The following GPR161 variants were observed in gnomAD, a reference collection of about 807,000 sequenced individuals.
GPR161 encodes the protein G protein-coupled receptor 161.
GPR161 carries 25 observed loss-of-function variants against 39.2 expected under a neutral mutation model. The observed-to-expected ratio is 0.64, with a 90% confidence interval of 0.47 to 0.89. GPR161 has a LOEUF of 0.89. Ranked by LOEUF, GPR161 falls within the 40% of genes least tolerant of loss-of-function variation. The probability of loss-of-function intolerance (pLI) is 0.00; values close to 1 mark genes in which losing one functional copy is unlikely to be tolerated. For missense variants in GPR161, 547 were observed against 677.8 expected (o/e 0.81, Z 2.14); for synonymous variants, 286 against 276.6 (o/e 1.03, Z -0.34).
In GPR161 at chr1:168,083,220, C is replaced by T. The variant is rs148679874; in HGVS notation, c.*2311G>A. On this transcript the variant is annotated 3_prime_UTR_variant, in exon 6 of 6. Coordinates refer to ENST00000682931, the MANE Select transcript of GPR161 (RefSeq NM_001375883.1). ...CACTGGATGTGCAGTGTCTGGTAGA[C>T]GACTAAATGAATTGGACCTCAGTAA... is the stretch of plus-strand genomic sequence containing the variant. 9 of 152,244 alleles carry T rather than the reference C, an allele frequency of 5.9e-5. No individual in the cohort carries two copies. Among genetic ancestry groups the T allele is most frequent in the Admixed American group, 3.3e-4 (5 of 15,286 alleles). 9.4% of individuals were successfully genotyped at this position (152,244 alleles called of 1,614,324 possible). A position where few individuals can be genotyped will look rare whatever the true frequency, so the allele number is the denominator to read the frequency against.
chr1:168,104,364 C>T, intron 2 of GPR161, 113 bp downstream of exon 2: 1 of 828,462 alleles, frequency 1.2e-6, no homozygotes, highest in Non-Finnish European at 1.9e-6. Flanking sequence ...GGTCATCCTC[C>T]CCCAGCAAGG....
At chr1:168,124,206 A>G (rs925881177) in intron 1 of GPR161, among the ~76,000 whole-genome samples, 2 of 152,084 alleles carry the variant, frequency 1.3e-5, no homozygotes, top group Non-Finnish European at 2.9e-5. Context: ...TCCCATGATA[A>G]CTCCAAATAA....
rs1033925483 is a variant in GPR161, at chr1:168,080,604, A to G, written c.*4927T>C. On this transcript the variant is annotated 3_prime_UTR_variant, in exon 6 of 6. Transcript: ENST00000682931. ...GCCCTGCCTCTTAGGGGCTTGGAGG[A>G]TTAGGGATTCTGTGAACCCAAGAGC... is the stretch of plus-strand genomic sequence containing the variant. 6.6e-6 allele frequency: 1 copy of G among 152,272 alleles called. No individual in the cohort carries two copies. Among genetic ancestry groups the G allele is most frequent in the Admixed American group, 6.5e-5 (1 of 15,288 alleles). The allele number at this position is 152,272 out of a possible 1,614,324, so 9.4% of individuals were successfully genotyped here.
chr1:168,133,383 A>G (rs1463564839), intron 1 of GPR161, among the ~76,000 whole-genome samples: 3 of 152,204 alleles, frequency 2.0e-5, no homozygotes, highest in African/African-American at 7.2e-5. Flanking sequence ...ATTTTTACCC[A>G]GAAATATTGT....
At chr1:168,092,870 G>C (rs1695198959) in intron 3 of GPR161, among the ~76,000 whole-genome samples, 2 of 152,312 alleles carry the variant, frequency 1.3e-5, no homozygotes, top group East Asian at 3.9e-4. Context: ...GAGATAACGG[G>C]AAAGGCTCTA....
chr1:168,136,346 GGGCGC>G, intron 1 of GPR161: 1 of 1,476,460 alleles, frequency 6.8e-7, no homozygotes, highest in Non-Finnish European at 9.0e-7. Context: ...TGGCCCCAGG[GGGCGC>G]GGCCCGCATC....
At chr1:168,116,547 T>C (rs942728933) in intron 1 of GPR161, among the ~76,000 whole-genome samples, 1 of 152,148 alleles carries the variant, frequency 6.6e-6, no homozygotes, top group African/African-American at 2.4e-5. Flanking sequence ...GGAACCCTAC[T>C]CTCATTCCAA....
intron 5 of GPR161, among the ~76,000 whole-genome samples, chr1:168,086,104 G>A (rs889280624): frequency 2.6e-5 from 4 of 152,210 alleles, no homozygotes; most frequent in African/African-American, 9.7e-5. Context: ...TTTGGCCTAT[G>A]TCTGGCCCAT....
At chr1:168,123,483 T>C (rs910797796) in intron 1 of GPR161, among the ~76,000 whole-genome samples, 3 of 151,908 alleles carry the variant, frequency 2.0e-5, no homozygotes, top group South Asian at 4.2e-4. Flanking sequence ...TGTATCTGTC[T>C]ATCTATCTAT....
chr1:168,099,027 G>A (rs375618935), intron 2 of GPR161, among the ~76,000 whole-genome samples: 5 of 152,314 alleles, frequency 3.3e-5, no homozygotes, highest in African/African-American at 1.2e-4. Context: ...AGGAACGAAT[G>A]AGGAAGATCA....
In GPR161 at chr1:168,096,999, A is replaced by C. The variant is rs757157027; in HGVS notation, c.608T>G (p.Val203Gly). The change falls in exon 3 of 6, where the codon GTC (valine) becomes GGC (glycine). Residue 203 changes from valine (V) to glycine (G), a missense_variant. Transcript: ENST00000682931. ...GATGAAGCCATAGCACACCAGCATG[A>C]CCAGAAAGGGGAAGAGGGCACACCA... ...QIWCALFPFL[V>G]MLVCYGFIFR... The C allele has an allele frequency of 3.1e-6, 5 of 1,614,114 alleles. No homozygotes were observed. In the South Asian group the frequency reaches 5.5e-5, roughly 18 times the overall value.
In GPR161 at chr1:168,090,630, C is replaced by T; in HGVS notation, c.1138G>A (p.Gly380Ser). ...CTGCTGTGCCCCAGGGGCTGTCCAC[C>T]TGCCATGAGCGCAGTGAGGTGTGGG... ...LSPHLTALMA[G>S]GQPLGHSSST... The change falls in exon 4 of 6, where the codon GGT becomes AGT. Residue 380 changes from glycine (G) to serine (S), a missense_variant. Gly to Ser is a moderately conservative substitution (Grantham distance 56). Transcript: ENST00000682931. 2 of 1,612,450 alleles carry T rather than the reference C, an allele frequency of 1.2e-6. No individual in the cohort carries two copies. Among genetic ancestry groups the T allele is most frequent in the East Asian group, 2.2e-5 (1 of 44,870 alleles).
intron 1 of GPR161, among the ~76,000 whole-genome samples, chr1:168,119,275 T>TATACATATATATATGTATAC (rs1558130238): frequency 1.5e-4 from 15 of 101,402 alleles, no homozygotes; most frequent in African/African-American, 7.2e-4. Flanking sequence ...TATGTGTATA[T>TATACATATATATATGTATAC]ATATATATAT....
At chr1:168,128,384 G>A (rs568410400) in intron 1 of GPR161, among the ~76,000 whole-genome samples, 1 of 152,258 alleles carries the variant, frequency 6.6e-6, no homozygotes, top group Middle Eastern at 3.4e-3. Flanking sequence ...GGATGCTATT[G>A]GCACCTAAGG....
intron 1 of GPR161, among the ~76,000 whole-genome samples, chr1:168,121,105 A>C (rs1381294273): frequency 1.3e-5 from 2 of 152,192 alleles, no homozygotes; most frequent in African/African-American, 4.8e-5. Flanking sequence ...CCATTGTTAG[A>C]GATGAGAAGA....
At position 168,125,625 on chromosome 1, in the gene GPR161, T is replaced by C. The variant is rs1385562918; in HGVS notation, c.-45+11114A>G. On this transcript the variant is annotated intron_variant, in intron 1 of 5. Coordinates refer to ENST00000682931, the MANE Select transcript of GPR161 (RefSeq NM_001375883.1). ...TCTTGACTATCTTGCTTCCCCCCCC[T>C]TTTTTTTTTTTTGAGACAGTCTCAC... 2.6e-3 allele frequency among the ~76,000 whole-genome samples: 188 copies of C among 72,366 alleles called. 2 individuals carry two copies. The highest frequency in any genetic ancestry group is 0.014 in the African/African-American group (136 of 9,908). The allele number at this position is 72,366 out of a possible 152,430, so 47.5% of individuals were successfully genotyped here.
At chr1:168,135,094 G>A in intron 1 of GPR161, 2 of 1,452,018 alleles carry the variant, frequency 1.4e-6, no homozygotes, top group Non-Finnish European at 1.8e-6. Flanking sequence ...GTTCCAAAAT[G>A]TCAAGCGGGC....
chr1:168,133,632 T>G (rs1055020226), intron 1 of GPR161, among the ~76,000 whole-genome samples: 8 of 152,258 alleles, frequency 5.3e-5, no homozygotes, highest in Non-Finnish European at 7.3e-5. Flanking sequence ...GATTTATGTT[T>G]TTCTTTTTTT....
rs1490446906 is a variant in GPR161, at chr1:168,081,298, C to T, written c.*4233G>A. 2 of 152,230 alleles carry T rather than the reference C, an allele frequency of 1.3e-5. No homozygotes were observed. Among genetic ancestry groups the T allele is most frequent in the African/African-American group, 4.8e-5 (2 of 41,432 alleles). The allele number at this position is 152,230 out of a possible 1,614,324, so 9.4% of individuals were successfully genotyped here. ...CCACATCCCTGCTTTTCTGAAAGTC[C>T]TTCCTTGCTGTGCAACAAATATGAC... On this transcript the variant is annotated 3_prime_UTR_variant, in exon 6 of 6. Coordinates refer to ENST00000682931, the MANE Select transcript of GPR161 (RefSeq NM_001375883.1).
Sources: gnomAD v4.1 joint callset for allele counts (sites outside exome capture counted in the v4.1 genomes callset) on GRCh38, gnomAD v4.1.1 for gene constraint, MANE v1.5 for transcripts, NCBI Gene and HGNC (gene_info 2026-07-23, HGNC 2026-07-21) for gene names.